The following DPH3 variants were observed in gnomAD, a reference collection of about 807,000 sequenced individuals.
DPH3 encodes diphthamide biosynthesis 3, also known as diphthamide biosynthesis protein 3.
DPH3 carries 8 observed loss-of-function variants against 10.2 expected under a neutral mutation model. That is an observed-to-expected ratio of 0.79 (90% CI 0.46 to 1.42). The LOEUF is 1.42. Among genes scored for constraint, DPH3 ranks in the 40% most tolerant of loss-of-function variants. The pLI, the probability that DPH3 is intolerant of heterozygous loss-of-function variation, is 0.00. For synonymous variants in DPH3, 35 were observed against 35.6 expected (o/e 0.98, Z 0.06); for missense variants, 96 against 98.9 (o/e 0.97, Z 0.12).
Position 16,264,205 on chromosome 3 carries a change from C to T in DPH3, c.133G>A (p.Val45Met), listed in dbSNP as rs762347263. Residue 45 changes from valine to methionine, a missense_variant, in exon 2 of 3, where the codon GTG becomes ATG. Val to Met is a conservative substitution (Grantham distance 21). Coordinates refer to ENST00000488423, the MANE Select transcript of DPH3 (RefSeq NM_206831.3). ...AGAGAGCAGCTAGGACACGTTGCCA[C>T]GTCTTCCCCATTCTCCAAATCTTCC... ...TKEDLENGED[V>M]ATCPSCSLII... 4 of 1,610,956 alleles carry T rather than the reference C, an allele frequency of 2.5e-6. No individual in the cohort carries two copies. The highest frequency in any genetic ancestry group is 3.3e-5 in the Admixed American group (2 of 59,928).
chr3:16,264,711 C>A, intron 1 of DPH3, 58 bp downstream of exon 1: 1 of 1,531,098 alleles, frequency 6.5e-7, no homozygotes, highest in South Asian at 1.2e-5. Flanking sequence ...ATGGAAGGAA[C>A]GGGCGGAACC....
rs2064290755 is a variant in DPH3, at chr3:16,261,066, C to T, written c.184-237G>A. Among the ~76,000 whole-genome samples, 1 of 152,184 alleles carries T rather than the reference C, an allele frequency of 6.6e-6. No individual in the cohort carries two copies. The highest frequency in any genetic ancestry group is 1.5e-5 in the Non-Finnish European group (1 of 68,022). ...TACAAAGCACCTTATAAACAAACATCCCTATCTTCAGTTCAGAGCAACCAC... is the reference window on the plus strand; with the variant it reads ...TACAAAGCACCTTATAAACAAACATTCCTATCTTCAGTTCAGAGCAACCAC... On this transcript the variant is annotated intron_variant, in intron 2 of 2. Transcript: ENST00000488423. The surrounding 1 kb of genome is among the most constrained non-coding windows in gnomAD (Gnocchi z 7.1).
rs1208653775 is a variant in DPH3, at chr3:16,263,536, C to T, written c.183+619G>A. 6.6e-6 allele frequency among the ~76,000 whole-genome samples: 1 copy of T among 152,184 alleles called. No homozygotes were observed. Among genetic ancestry groups the T allele is most frequent in the Non-Finnish European group, 1.5e-5 (1 of 68,036 alleles). ...CTCTCATGAGGCTCTGTGCCTCATCCCCACTTTCCCTATATTCATTTTGGA... is the reference window on the plus strand; with the variant it reads ...CTCTCATGAGGCTCTGTGCCTCATCTCCACTTTCCCTATATTCATTTTGGA... On this transcript the variant is annotated intron_variant, in intron 2 of 2. Coordinates refer to ENST00000488423, the MANE Select transcript of DPH3 (RefSeq NM_206831.3). This position sits in a 1 kb window ranked among gnomAD's most constrained non-coding sequence, Gnocchi z 4.0.
In DPH3 at chr3:16,262,963, T is replaced by G. The variant is rs908633612; in HGVS notation, c.183+1192A>C. Among the ~76,000 whole-genome samples the G allele has an allele frequency of 6.6e-6, 1 of 152,206 alleles. No individual in the cohort carries two copies. Among genetic ancestry groups the G allele is most frequent in the African/African-American group, 2.4e-5 (1 of 41,452 alleles). ...CCAAGCCACCCATCTCCTTCTTTAA[T>G]TAGTGTAATAGCCTCCTATTACACT... On this transcript the variant is annotated intron_variant, in intron 2 of 2. Transcript: ENST00000488423. This position sits in a 1 kb window ranked among gnomAD's most constrained non-coding sequence, Gnocchi z 4.7.
Position 16,261,597 on chromosome 3 carries a change from G to A in DPH3, c.184-768C>T, listed in dbSNP as rs112194610. On this transcript the variant is annotated intron_variant, in intron 2 of 2. Transcript: ENST00000488423. The surrounding 1 kb of genome is among the most constrained non-coding windows in gnomAD (Gnocchi z 7.1). Reference sequence around the variant, plus strand: ...AACTGAGGATTGCTATTGGCATCTAGTAGGTAGAGGCCAGGGATCCTGCTA... The same window carrying A: ...AACTGAGGATTGCTATTGGCATCTAATAGGTAGAGGCCAGGGATCCTGCTA... Among the ~76,000 whole-genome samples the A allele has an allele frequency of 0.029, 4,441 of 152,338 alleles. 102 individuals are homozygous for A. Among genetic ancestry groups the A allele is most frequent in the Middle Eastern group, 0.082 (24 of 294 alleles).
In DPH3 at chr3:16,261,836, T is replaced by C. The variant is rs2064294187; in HGVS notation, c.184-1007A>G. Among the ~76,000 whole-genome samples, 1 of 152,204 alleles carries C rather than the reference T, an allele frequency of 6.6e-6. No homozygotes were observed. The highest frequency in any genetic ancestry group is 2.4e-5 in the African/African-American group (1 of 41,450). On this transcript the variant is annotated intron_variant, in intron 2 of 2. Transcript: ENST00000488423. This position sits in a 1 kb window ranked among gnomAD's most constrained non-coding sequence, Gnocchi z 7.1. ...TTTGCCTCCATTCTCCTTTCCTGTCTAAAACCCATCAGTTTAGAATCTTAT... is the reference window on the plus strand; with the variant it reads ...TTTGCCTCCATTCTCCTTTCCTGTCCAAAACCCATCAGTTTAGAATCTTAT...
rs2064283747 is a variant in DPH3, at chr3:16,260,214, G to C, written c.*550C>G. The C allele has an allele frequency of 6.6e-6, 1 of 152,516 alleles. No homozygotes were observed. Among genetic ancestry groups the C allele is most frequent in the African/African-American group, 2.4e-5 (1 of 41,442 alleles). 9.4% of individuals were successfully genotyped at this position (152,516 alleles called of 1,614,324 possible). A position where few individuals can be genotyped will look rare whatever the true frequency, so the allele number is the denominator to read the frequency against. On this transcript the variant is annotated 3_prime_UTR_variant, in exon 3 of 3. Transcript: ENST00000488423. ...TCTCTGCATGAAGCATTACAGAAAT[G>C]ACACGCTGAACAGAACATGTCCATT...
At position 16,257,814 on chromosome 3, in the gene DPH3, C is replaced by G. The variant is rs1413381974; in HGVS notation, c.*2950G>C. On this transcript the variant is annotated 3_prime_UTR_variant, in exon 3 of 3. Coordinates refer to ENST00000488423, the MANE Select transcript of DPH3 (RefSeq NM_206831.3). The stretch of plus-strand genomic sequence containing the variant: ...TTTCCCAAACAATAGAAATCCAGAG[C>G]CCAAACTGTAGAAATTGGCAATTTC... Among the ~76,000 whole-genome samples, 1 of 152,130 alleles carries G rather than the reference C, an allele frequency of 6.6e-6. No individual in the cohort carries two copies. Among genetic ancestry groups the G allele is most frequent in the African/African-American group, 2.4e-5 (1 of 41,424 alleles).
At chr3:16,264,451 A>C (rs1272421346) in intron 1 of DPH3, 3 of 551,636 alleles carry the variant, frequency 5.4e-6, no homozygotes, top group East Asian at 3.0e-5. Context: ...CGGTCGCCCC[A>C]AAAGCCCTGG....
At position 16,262,328 on chromosome 3, in the gene DPH3, C is replaced by A. The variant is rs912102335; in HGVS notation, c.184-1499G>T. Among the ~76,000 whole-genome samples, 7 of 152,236 alleles carry A rather than the reference C, an allele frequency of 4.6e-5. No homozygotes were observed. Among genetic ancestry groups the A allele is most frequent in the Non-Finnish European group, 8.8e-5 (6 of 68,042 alleles). On this transcript the variant is annotated intron_variant, in intron 2 of 2. Coordinates refer to ENST00000488423, the MANE Select transcript of DPH3 (RefSeq NM_206831.3). The surrounding 1 kb of genome is among the most constrained non-coding windows in gnomAD (Gnocchi z 4.7). ...GTTACTCCATGGAAACTGCTCTCAT[C>A]TCCGTCACAGATGAACTCAGTGTTG...
intron 2 of DPH3, 51 bp from the exon 3 acceptor site, chr3:16,260,880 A>C (rs1026474857): frequency 6.7e-7 from 1 of 1,501,090 alleles, no homozygotes; most frequent in Non-Finnish European, 9.2e-7. Flanking sequence ...GGTCACAAAT[A>C]CATTAATATT....
rs144079189 is a variant in DPH3, at chr3:16,260,829, C to T, written c.184G>A (p.Asp62Asn). ...ACTGTTTCTCCACACACAAACTGAT[C>T]CTAAGACAGAGTGAGAAATGACATT... ...SLIIKVIYDK[D>N]QFVCGETVPA... is the part of the protein sequence containing the mutation. The change falls in exon 3 of 3, where the codon GAT becomes AAT. Residue 62 changes from aspartate to asparagine, a missense_variant and splice_region_variant. Asp to Asn is a conservative substitution (Grantham distance 23, BLOSUM62 1). Coordinates refer to ENST00000488423, the MANE Select transcript of DPH3 (RefSeq NM_206831.3). 37 of 1,612,864 alleles carry T rather than the reference C, an allele frequency of 2.3e-5. No individual in the cohort carries two copies. The African/African-American group carries it at 4.1e-4, about 18-fold the overall frequency.
In DPH3 at chr3:16,261,654, C is replaced by T. The variant is rs2064293380; in HGVS notation, c.184-825G>A. Among the ~76,000 whole-genome samples the T allele has an allele frequency of 6.6e-6, 1 of 152,128 alleles. No individual in the cohort carries two copies. The highest frequency in any genetic ancestry group is 6.5e-5 in the Admixed American group (1 of 15,270). On this transcript the variant is annotated intron_variant, in intron 2 of 2. Transcript: ENST00000488423. The surrounding 1 kb of genome is among the most constrained non-coding windows in gnomAD (Gnocchi z 7.1). Reference sequence around the variant, plus strand: ...CTATAATGCACGGGGTATCTCTGAACAACAAAGAATTATCAGGCCTAAAAT... The same window carrying T: ...CTATAATGCACGGGGTATCTCTGAATAACAAAGAATTATCAGGCCTAAAAT...
At position 16,263,225 on chromosome 3, in the gene DPH3, C is replaced by G. The variant is rs908604653; in HGVS notation, c.183+930G>C. On this transcript the variant is annotated intron_variant, in intron 2 of 2. Coordinates refer to ENST00000488423, the MANE Select transcript of DPH3 (RefSeq NM_206831.3). The surrounding 1 kb of genome is among the most constrained non-coding windows in gnomAD (Gnocchi z 4.0). ...CCTCCTTTTTGTTCCTTGATAAAATCAGGCATGTTCCTGTCTTAGGTCCCC... is the reference window on the plus strand; with the variant it reads ...CCTCCTTTTTGTTCCTTGATAAAATGAGGCATGTTCCTGTCTTAGGTCCCC... 3.3e-5 allele frequency among the ~76,000 whole-genome samples: 5 copies of G among 152,148 alleles called. No individual in the cohort carries two copies. Among genetic ancestry groups the G allele is most frequent in the African/African-American group, 1.2e-4 (5 of 41,432 alleles).
rs1416126455 is a variant in DPH3, at chr3:16,259,303, A to G, written c.*1461T>C. 3 of 152,244 alleles carry G rather than the reference A, an allele frequency of 2.0e-5. No homozygotes were observed. The highest frequency in any genetic ancestry group is 7.2e-5 in the African/African-American group (3 of 41,458). 9.4% of individuals were successfully genotyped at this position (152,244 alleles called of 1,614,324 possible). On this transcript the variant is annotated 3_prime_UTR_variant, in exon 3 of 3. Coordinates refer to ENST00000488423, the MANE Select transcript of DPH3 (RefSeq NM_206831.3). ...CTGAGCATTTTCAGCTCGGTACATT[A>G]TAATTTTTGGTAATTTATTGTCTCA...
chr3:16,262,817 T>G lies in DPH3; in HGVS notation c.183+1338A>C, dbSNP rs2064301332. Reference sequence around the variant, plus strand: ...GACAGTAACTCCATCCTCCCAGTTATTAAGGTCACAAATATTGAAATCATC... The same window carrying G: ...GACAGTAACTCCATCCTCCCAGTTAGTAAGGTCACAAATATTGAAATCATC... On this transcript the variant is annotated intron_variant, in intron 2 of 2. Transcript: ENST00000488423. The surrounding 1 kb of genome is among the most constrained non-coding windows in gnomAD (Gnocchi z 4.7). Among the ~76,000 whole-genome samples, 2 of 152,148 alleles carry G rather than the reference T, an allele frequency of 1.3e-5. No homozygotes were observed. The highest frequency in any genetic ancestry group is 4.8e-5 in the African/African-American group (2 of 41,428).
At position 16,259,351 on chromosome 3, in the gene DPH3, T is replaced by A. The variant is rs1054008143; in HGVS notation, c.*1413A>T. ...TCAGCCTAGTGGCTGCACACAGCCA[T>A]GCTGCTGGCAGGTAAAAAAGGCTAC... On this transcript the variant is annotated 3_prime_UTR_variant, in exon 3 of 3. Coordinates refer to ENST00000488423, the MANE Select transcript of DPH3 (RefSeq NM_206831.3). 4.6e-5 allele frequency: 7 copies of A among 152,274 alleles called. No individual in the cohort carries two copies. Among genetic ancestry groups the A allele is most frequent in the African/African-American group, 1.4e-4 (6 of 41,476 alleles). The allele number at this position is 152,274 out of a possible 1,614,324, so 9.4% of individuals were successfully genotyped here.
At position 16,263,935 on chromosome 3, in the gene DPH3, A is replaced by G. The variant is rs943896595; in HGVS notation, c.183+220T>C. On this transcript the variant is annotated intron_variant, in intron 2 of 2. Transcript: ENST00000488423. This position sits in a 1 kb window ranked among gnomAD's most constrained non-coding sequence, Gnocchi z 4.0. Reference sequence around the variant, plus strand: ...AAATAATAATTTTCACTAAAGCTAGATTTATCTCTAAAGCTAAAATAAATT... The same window carrying G: ...AAATAATAATTTTCACTAAAGCTAGGTTTATCTCTAAAGCTAAAATAAATT... Among the ~76,000 whole-genome samples the G allele has an allele frequency of 5.3e-5, 8 of 152,248 alleles. No individual in the cohort carries two copies. The highest frequency in any genetic ancestry group is 1.9e-4 in the African/African-American group (8 of 41,464).
rs1034286187 is a variant in DPH3 at position 16,263,798 on chromosome 3, T to A, written c.183+357A>T. On this transcript the variant is annotated intron_variant, in intron 2 of 2. Transcript: ENST00000488423. The surrounding 1 kb of genome is among the most constrained non-coding windows in gnomAD (Gnocchi z 4.0). ...TAAGCCAGCACGAAATACCATACAA[T>A]TGTTCCCTTCAAAGTAAGTCTAGCA... Among the ~76,000 whole-genome samples, 1 of 152,204 alleles carries A rather than the reference T, an allele frequency of 6.6e-6. No homozygotes were observed. The highest frequency in any genetic ancestry group is 2.4e-5 in the African/African-American group (1 of 41,436).
Sources: gnomAD v4.1 joint callset for allele counts (sites outside exome capture counted in the v4.1 genomes callset) on GRCh38, gnomAD v4.1.1 for gene constraint, Gnocchi (gnomAD v3.1) non-coding constraint, MANE v1.5 for transcripts, NCBI Gene and HGNC (gene_info 2026-07-23, HGNC 2026-07-21) for gene names.